Variants in HAUS7 observed in about 807,000 individuals in gnomAD.
HAUS7 encodes HAUS augmin like complex subunit 7, also known as HAUS augmin-like complex subunit 7.
Under a neutral mutation model 28.4 loss-of-function variants are expected in HAUS7, and 3 were observed. The observed-to-expected ratio is 0.11, with a 90% CI of 0.05 to 0.27. HAUS7 has a LOEUF of 0.27. Ranked by LOEUF, HAUS7 falls within the 10% of genes least tolerant of loss-of-function variation. The pLI, the probability that HAUS7 is intolerant of heterozygous loss-of-function variation, is 1.00. For synonymous variants in HAUS7, 165 were observed against 132.1 expected, an observed-to-expected ratio of 1.25 and a Z score of -1.71; for missense variants, 284 against 297.3, an observed-to-expected ratio of 0.96 and a Z score of 0.33.
chrX:153,449,480 G>C (rs1430915653), intron 9 of HAUS7, among the ~76,000 whole-genome samples: 1 of 112,717 alleles, frequency 8.9e-6, no homozygotes, highest in Non-Finnish European at 1.9e-5. Flanking sequence ...TGTGTCCCTC[G>C]TGTGGCATCT....
At chrX:153,462,517 G>A in intron 4 of HAUS7, 93 bp downstream of exon 4, 2 of 764,544 alleles carry the variant, frequency 2.6e-6, no homozygotes, top group Admixed American at 2.5e-5. Context: ...ACTAGGGGAG[G>A]AAAATCCTCC....
At chrX:153,481,380 G>A (rs2089598758) in intron 1 of HAUS7, 1 of 754,800 alleles carries the variant, frequency 1.3e-6, no homozygotes, top group Non-Finnish European at 1.6e-6. Context: ...ATCAACCTGG[G>A]CTGAGGATCC....
At chrX:153,486,794 G>A (rs1556988679) in intron 1 of HAUS7, 31 of 982,884 alleles carry the variant, frequency 3.2e-5, no homozygotes, top group Non-Finnish European at 4.1e-5. Context: ...CAGCGGCGGG[G>A]GGAGGAGGGC....
intron 1 of HAUS7, among the ~76,000 whole-genome samples, chrX:153,470,172 C>T (rs1333046083): frequency 8.8e-6 from 1 of 113,434 alleles, no homozygotes; most frequent in Non-Finnish European, 1.9e-5. Flanking sequence ...TCTGCACTTG[C>T]TCCGAGCGCC....
intron 9 of HAUS7, among the ~76,000 whole-genome samples, chrX:153,453,728 G>C (rs1057040179): frequency 9.9e-5 from 11 of 111,125 alleles, no homozygotes; most frequent in African/African-American, 3.3e-4. Context: ...TATAGGATAC[G>C]AGGAAACTGG....
At chrX:153,474,454 G>A (rs2089548750), upstream of HAUS7, among the ~76,000 whole-genome samples, 1 of 111,809 alleles carries the variant, frequency 8.9e-6, no homozygotes, top group Non-Finnish European at 1.9e-5. Context: ...ACCCCGCCCT[G>A]TCCCCCAGGC....
intron 4 of HAUS7, chrX:153,461,830 G>T (rs2089395756): frequency 6.8e-6 from 2 of 292,162 alleles, no homozygotes; most frequent in Non-Finnish European, 1.2e-5. Flanking sequence ...CAGTTTGGGG[G>T]CTCCTCGAAA....
At chrX:153,460,731 G>A (rs782119838) in intron 4 of HAUS7, among the ~76,000 whole-genome samples, 7 of 111,816 alleles carry the variant, frequency 6.3e-5, no homozygotes, top group African/African-American at 2.3e-4. Context: ...GCAGGTGCTC[G>A]CAGGCTCTGA....
At chrX:153,482,759 G>A in intron 1 of HAUS7, 1 of 755,831 alleles carries the variant, frequency 1.3e-6, no homozygotes, top group South Asian at 6.7e-5. Context: ...GGAACCAGCT[G>A]CGTGACAGGG....
At position 153,486,755 on chromosome X, in the gene HAUS7, G is replaced by A. The variant is rs781984422; in HGVS notation, c.-589+8619C>T. ...CCGCCCACTGCCTTCTCCTGCACCCGAGCCTATCACAGCGTGGTCCTCCAG... is the reference window on the plus strand; with the variant it reads ...CCGCCCACTGCCTTCTCCTGCACCCAAGCCTATCACAGCGTGGTCCTCCAG... On this transcript the variant is annotated intron_variant, in intron 1 of 5. Coordinates refer to the HAUS7 transcript ENST00000370210. 4.7e-5 allele frequency: 46 copies of A among 981,090 alleles called. No individual in the cohort carries two copies. The Admixed American group carries it at 8.2e-4, about 18-fold the overall frequency. The allele number at this position is 981,090 out of a possible 1,213,427, so 80.9% of individuals were successfully genotyped here.
At chrX:153,485,674 G>A (rs781855495) in intron 1 of HAUS7, 6 of 515,639 alleles carry the variant, frequency 1.2e-5, no homozygotes, top group African/African-American at 1.0e-4. Context: ...GAATCCCCAC[G>A]CTCGTCTTGG....
At chrX:153,494,110 G>A (rs1556990177) in intron 1 of HAUS7, among the ~76,000 whole-genome samples, 1 of 111,388 alleles carries the variant, frequency 9.0e-6, no homozygotes, top group Non-Finnish European at 1.9e-5. Context: ...AAGGACCTGG[G>A]CTCTAGCCAC....
chrX:153,448,033 C>T, intron 9 of HAUS7, 124 bp from the exon 10 acceptor site: 1 of 538,414 alleles, frequency 1.9e-6, no homozygotes, highest in South Asian at 2.6e-5. Flanking sequence ...CCCAGCCATC[C>T]CATTACTGGG....
chrX:153,491,998 C>T (rs1254153851), intron 1 of HAUS7, among the ~76,000 whole-genome samples: 5 of 112,779 alleles, frequency 4.4e-5, no homozygotes, highest in African/African-American at 6.4e-5. Flanking sequence ...TGGAAGGGGC[C>T]GGGTTCTGCT....
chrX:153,492,979 C>T (rs1413136196), intron 1 of HAUS7, among the ~76,000 whole-genome samples: 1 of 112,054 alleles, frequency 8.9e-6, no homozygotes, highest in Non-Finnish European at 1.9e-5. Flanking sequence ...CCTCGGGCAG[C>T]AGGCATGCCT....
intron 1 of HAUS7, among the ~76,000 whole-genome samples, chrX:153,483,071 G>C (rs2089611711): frequency 8.8e-6 from 1 of 113,007 alleles, no homozygotes; most frequent in Non-Finnish European, 1.9e-5. Flanking sequence ...GCACCCTCTG[G>C]GTTCTCTGAG....
chrX:153,475,050 T>A (rs2089554042), upstream of HAUS7, among the ~76,000 whole-genome samples: 1 of 111,705 alleles, frequency 9.0e-6, no homozygotes, highest in African/African-American at 3.3e-5. Context: ...TTGCCCGAGC[T>A]CCCCGGCCGG....
intron 3 of HAUS7, 80 bp from the exon 4 acceptor site, chrX:153,462,751 C>A (rs1294790705): frequency 1.3e-6 from 1 of 775,652 alleles, no homozygotes; most frequent in Non-Finnish European, 2.0e-6. Context: ...AAGCCCAGCA[C>A]CCACAGACTA....
In HAUS7 at chrX:153,469,117, G is replaced by A. The variant is rs782336766; in HGVS notation, c.224+29C>T. ...TGGCTGGCGCCCATGCACACCCCAG[G>A]TGGGAAGAGGAAGAAACTGATGCAT... is the stretch of plus-strand genomic sequence containing the variant. On this transcript the variant is annotated intron_variant, in intron 2 of 9. Coordinates refer to ENST00000370211, the MANE Select transcript of HAUS7 (RefSeq NM_001385482.1). 29 of 887,154 alleles carry A rather than the reference G, an allele frequency of 3.3e-5. No individual in the cohort carries two copies. In the East Asian group the frequency reaches 7.4e-4, roughly 23 times the overall value. The allele number at this position is 887,154 out of a possible 1,213,427, so 73.1% of individuals were successfully genotyped here. A position where few individuals can be genotyped will look rare whatever the true frequency, so the allele number is the denominator to read the frequency against.
Sources: gnomAD v4.1 joint callset for allele counts (sites outside exome capture counted in the v4.1 genomes callset) on GRCh38, gnomAD v4.1.1 for gene constraint, MANE v1.5 for transcripts, NCBI Gene and HGNC (gene_info 2026-07-23, HGNC 2026-07-21) for gene names.